The following PXDNL variants were observed in gnomAD, a reference collection of about 807,000 sequenced individuals.
PXDNL encodes the protein probable oxidoreductase PXDNL.
A neutral mutation model predicts 150.8 loss-of-function variants in PXDNL; 145 were observed. The observed-to-expected ratio is 0.96, with a 90% CI of 0.84 to 1.10. PXDNL has a LOEUF of 1.10. PXDNL is among the 50% of genes least tolerant of loss of function. The pLI, the probability that PXDNL is intolerant of heterozygous loss-of-function variation, is 0.00. For missense variants in PXDNL, 2,087 were observed against 1,873.9 expected (o/e 1.11, Z -2.10); for synonymous variants, 757 against 725.7 (o/e 1.04, Z -0.69).
intron 1 of PXDNL, among the ~76,000 whole-genome samples, chr8:51,793,279 C>T (rs1256583479): frequency 6.6e-6 from 1 of 152,158 alleles, no homozygotes; most frequent in Non-Finnish European, 1.5e-5. Flanking sequence ...CAGAAAGCAA[C>T]AATAACAACA....
At chr8:51,348,285 T>C (rs1033193412) in intron 19 of PXDNL, among the ~76,000 whole-genome samples, 2 of 152,228 alleles carry the variant, frequency 1.3e-5, no homozygotes, top group African/African-American at 4.8e-5. Flanking sequence ...TTATTTACTT[T>C]AAAGCACCAA....
rs187438851 is a variant in PXDNL, at chr8:51,496,038, A to G, written c.452+3661T>C. Among the ~76,000 whole-genome samples the G allele has an allele frequency of 2.9e-4, 44 of 152,366 alleles. No individual in the cohort carries two copies. The East Asian group carries it at 6.5e-3, about 23-fold the overall frequency. On this transcript the variant is annotated intron_variant, in intron 5 of 22. Transcript: ENST00000356297. ...TCGATGCAAAAATCCTCAATAAAAT[A>G]CTGGCAAACCGAATCCAGCAGCACA...
At chr8:51,419,310 A>G (rs1808884741) in intron 14 of PXDNL, among the ~76,000 whole-genome samples, 1 of 152,154 alleles carries the variant, frequency 6.6e-6, no homozygotes, top group Non-Finnish European at 1.5e-5. Flanking sequence ...CACTTTGTCC[A>G]TATATTAGTT....
rs563234137 is a variant in PXDNL at position 51,792,641 on chromosome 8, T to G, written c.164+16540A>C. On this transcript the variant is annotated intron_variant, in intron 1 of 22. Transcript: ENST00000356297. ...AGCTCCAGTCTGCCATTTTTCCCCCTGCTGGTGCTGGGGAGACTGGATGGT... is the reference window on the plus strand; with the variant it reads ...AGCTCCAGTCTGCCATTTTTCCCCCGGCTGGTGCTGGGGAGACTGGATGGT... 1.3e-3 allele frequency among the ~76,000 whole-genome samples: 201 copies of G among 152,270 alleles called. 1 individual carries two copies. Among genetic ancestry groups the G allele is most frequent in the African/African-American group, 4.6e-3 (191 of 41,558 alleles).
chr8:51,666,770 T>C (rs972072631), intron 1 of PXDNL, among the ~76,000 whole-genome samples: 6 of 152,192 alleles, frequency 3.9e-5, no homozygotes, highest in Non-Finnish European at 5.9e-5. Context: ...ACTGTCCTGA[T>C]GGGCCATTCT....
chr8:51,713,032 T>A (rs1356650606), intron 1 of PXDNL, among the ~76,000 whole-genome samples: 1 of 152,244 alleles, frequency 6.6e-6, no homozygotes, highest in African/African-American at 2.4e-5. Flanking sequence ...ATTATTTTTA[T>A]CTTTCTCCTA....
chr8:51,374,343 T>G (rs912254579), intron 18 of PXDNL, among the ~76,000 whole-genome samples: 3 of 152,342 alleles, frequency 2.0e-5, no homozygotes, highest in African/African-American at 4.8e-5. Context: ...CATCTAGCCT[T>G]CATCCTCTCA....
chr8:51,632,701 C>T (rs1476150378), intron 2 of PXDNL, among the ~76,000 whole-genome samples: 1 of 152,046 alleles, frequency 6.6e-6, no homozygotes, highest in Non-Finnish European at 1.5e-5. Flanking sequence ...TTAAGATGGA[C>T]CACATATCAA....
At chr8:51,807,733 GA>G (rs1315521280) in intron 1 of PXDNL, among the ~76,000 whole-genome samples, 1 of 152,196 alleles carries the variant, frequency 6.6e-6, no homozygotes, top group African/African-American at 2.4e-5. Flanking sequence ...ATTACATTTA[GA>G]GGTGTGTGTC....
chr8:51,540,445 G>GT (rs2130477797), intron 4 of PXDNL, among the ~76,000 whole-genome samples: 1 of 152,100 alleles, frequency 6.6e-6, no homozygotes, highest in Non-Finnish European at 1.5e-5. Context: ...TTCTTATTCT[G>GT]TTTGAGATAT....
Position 51,726,650 on chromosome 8 carries a change from C to T in PXDNL, c.165-71890G>A, listed in dbSNP as rs149002673. ...GATAGCAGATTCCTAGAATGTTCAA[C>T]GTTACATGATACTTAAAGCAGCACA... On this transcript the variant is annotated intron_variant, in intron 1 of 22. Coordinates refer to ENST00000356297, the MANE Select transcript of PXDNL (RefSeq NM_144651.5). Among the ~76,000 whole-genome samples the T allele has an allele frequency of 5.9e-5, 9 of 152,274 alleles. No homozygotes were observed. In the East Asian group the frequency reaches 7.7e-4, roughly 13 times the overall value.
At chr8:51,554,791 A>G (rs893803032) in intron 4 of PXDNL, among the ~76,000 whole-genome samples, 1 of 152,192 alleles carries the variant, frequency 6.6e-6, no homozygotes, top group Admixed American at 6.5e-5. Flanking sequence ...CTTACTGTCC[A>G]TATTTATACC....
chr8:51,672,279 G>C (rs1486700273), intron 1 of PXDNL, among the ~76,000 whole-genome samples: 1 of 152,202 alleles, frequency 6.6e-6, no homozygotes, highest in Non-Finnish European at 1.5e-5. Flanking sequence ...ACCGTGCCTG[G>C]CTTCAAATCA....
chr8:51,596,442 A>C (rs190992217), intron 2 of PXDNL, among the ~76,000 whole-genome samples: 1 of 152,196 alleles, frequency 6.6e-6, no homozygotes, highest in East Asian at 1.9e-4. Context: ...GTCAACTGGT[A>C]GTTCTGTTTT....
intron 1 of PXDNL, among the ~76,000 whole-genome samples, chr8:51,746,444 G>A (rs116934631): frequency 0.02 from 2,997 of 152,258 alleles, 41 homozygotes; most frequent in Non-Finnish European, 0.027. Context: ...AGGGTGTTAG[G>A]TAATGGATAA....
At chr8:51,555,372 C>T (rs1004934862) in intron 4 of PXDNL, among the ~76,000 whole-genome samples, 12 of 152,176 alleles carry the variant, frequency 7.9e-5, no homozygotes, top group African/African-American at 2.2e-4. Context: ...AAAGTTCCCA[C>T]TTCTTAATGC....
intron 21 of PXDNL, among the ~76,000 whole-genome samples, chr8:51,338,384 A>C (rs1215211988): frequency 6.6e-6 from 1 of 152,152 alleles, no homozygotes; most frequent in Non-Finnish European, 1.5e-5. Flanking sequence ...CATCCAAAAG[A>C]AGCAATCATA....
chr8:51,645,785 T>A (rs187559381), intron 2 of PXDNL, among the ~76,000 whole-genome samples: 3 of 152,238 alleles, frequency 2.0e-5, no homozygotes, highest in African/African-American at 7.2e-5. Flanking sequence ...AATACTGAGC[T>A]CGGGATGCTG....
At chr8:51,796,910 A>G (rs1007299138) in intron 1 of PXDNL, among the ~76,000 whole-genome samples, 5 of 152,228 alleles carry the variant, frequency 3.3e-5, no homozygotes, top group Admixed American at 6.5e-5. Context: ...ATGAGTATCA[A>G]TGCAAAAATC....
Sources: allele counts gnomAD v4.1 joint callset (sites outside exome capture counted in the v4.1 genomes callset), GRCh38; gene constraint gnomAD v4.1.1; transcripts MANE v1.5; gene names NCBI Gene and HGNC (gene_info 2026-07-23, HGNC 2026-07-21).